TOPBP1: variants seen among roughly 807,000 people sequenced by gnomAD.
TOPBP1 encodes the protein DNA topoisomerase II binding protein 1, also known as DNA topoisomerase 2-binding protein 1.
In TOPBP1, 28 loss-of-function variants were observed where a neutral mutation model predicts 167.7. The ratio of observed to expected loss-of-function variants is 0.17; its 90% CI spans 0.12 to 0.23. The LOEUF (loss-of-function observed/expected upper bound fraction) is 0.23. Among genes scored for constraint, TOPBP1 ranks in the 10% least tolerant of loss-of-function variants. The pLI, the probability that TOPBP1 is intolerant of heterozygous loss-of-function variation, is 1.00. For synonymous variants in TOPBP1, 598 were observed against 611.4 expected, an observed-to-expected ratio of 0.98 and a Z score of 0.32; for missense variants, 1,554 against 1,809.6, an observed-to-expected ratio of 0.86 and a Z score of 2.56.
At chr3:133,646,150 A>C (rs1157627664) in intron 10 of TOPBP1, among the ~76,000 whole-genome samples, 1 of 152,142 alleles carries the variant, frequency 6.6e-6, no homozygotes. Flanking sequence ...CATCTCAAAA[A>C]AAAAACAAAA....
intron 8 of TOPBP1, among the ~76,000 whole-genome samples, chr3:133,651,170 CCTTTT>C (rs1282916739): frequency 7.4e-6 from 1 of 135,590 alleles, no homozygotes; most frequent in African/African-American, 2.7e-5. Context: ...GCCGAATTTC[CCTTTT>C]TTTTTTTTTT....
chr3:133,618,280 A>C lies in TOPBP1; in HGVS notation c.3525T>G (p.Val1175=). ...SCPTQYSELQ[V]DIQNLEDSPF... is the part of the protein sequence containing the mutation. ...GAGAATCCTCCAAGTTTTGAATGTC[A>C]ACCTGAAGCTCAGAGTATTGTGTGG... is the stretch of plus-strand genomic sequence containing the variant. The change falls in exon 21 of 28, where the codon GTT becomes GTG. Residue 1175 remains valine (V), a synonymous_variant. Coordinates refer to ENST00000260810, the MANE Select transcript of TOPBP1 (RefSeq NM_007027.4). 6.2e-7 allele frequency: 1 copy of C among 1,614,008 alleles called. No individual in the cohort carries two copies. Among genetic ancestry groups the C allele is most frequent in the Non-Finnish European group, 8.5e-7 (1 of 1,179,862 alleles).
chr3:133,654,591 A>T (rs1358985496), intron 6 of TOPBP1, among the ~76,000 whole-genome samples: 4 of 152,224 alleles, frequency 2.6e-5, no homozygotes, highest in African/African-American at 9.6e-5. Context: ...AGCTTAGTAA[A>T]ACACAGTATA....
chr3:133,636,332 T>C (rs1935673236), intron 14 of TOPBP1, among the ~76,000 whole-genome samples: 1 of 152,140 alleles, frequency 6.6e-6, no homozygotes, highest in African/African-American at 2.4e-5. Context: ...TTGTGATTAT[T>C]CCATGGGCCC....
intron 19 of TOPBP1, among the ~76,000 whole-genome samples, chr3:133,620,865 G>A (rs751111293): frequency 3.9e-5 from 6 of 152,158 alleles, no homozygotes; most frequent in African/African-American, 9.6e-5. Context: ...ATGAGCCACC[G>A]TGCCTGGCCC....
chr3:133,614,087 G>A (rs1934778908), intron 23 of TOPBP1, among the ~76,000 whole-genome samples: 1 of 151,952 alleles, frequency 6.6e-6, no homozygotes, highest in Non-Finnish European at 1.5e-5. Context: ...CACCACACCC[G>A]GTCATATCAA....
rs369455342 is a variant in TOPBP1 at position 133,635,805 on chromosome 3, T to C, written c.2520+2071A>G. Among the ~76,000 whole-genome samples, 17 of 152,150 alleles carry C rather than the reference T, an allele frequency of 1.1e-4. No homozygotes were observed. The East Asian group carries it at 2.7e-3, about 24-fold the overall frequency. On this transcript the variant is annotated intron_variant, in intron 14 of 27. Transcript: ENST00000260810. ...TATACCACATAGTAACACACACACA[T>C]AGACTCCAAGAGACACGCACAAGAA...
In TOPBP1 at chr3:133,649,909, T is replaced by A; in HGVS notation, c.1124A>T (p.Asp375Val). The A allele has an allele frequency of 1.2e-6, 2 of 1,604,964 alleles. No individual in the cohort carries two copies. The highest frequency in any genetic ancestry group is 8.5e-7 in the Non-Finnish European group (1 of 1,177,202). ...YLCGFSGRKL[D>V]KLRRLINSGG... ...ACTGTTAATAAGTCTTCTCAGTTTATCTAGCTTTCTGCCACTAAAACCGCA... is the reference window on the plus strand; with the variant it reads ...ACTGTTAATAAGTCTTCTCAGTTTAACTAGCTTTCTGCCACTAAAACCGCA... The change falls in exon 9 of 28, where the codon GAT becomes GTT. Residue 375 changes from aspartate to valine, a missense_variant. This residue lies in a region of TOPBP1 where 1,197 missense variants were observed against 1,351.5 expected (regional missense o/e 0.89). Coordinates refer to ENST00000260810, the MANE Select transcript of TOPBP1 (RefSeq NM_007027.4).
At chr3:133,652,746 T>A (rs959733389) in intron 7 of TOPBP1, 117 bp from the exon 8 acceptor site, 1 of 808,354 alleles carries the variant, frequency 1.2e-6, no homozygotes, top group African/African-American at 1.7e-5. Context: ...AAAGTAAGAT[T>A]CAGGGGTGTT....
intron 5 of TOPBP1, among the ~76,000 whole-genome samples, chr3:133,655,743 C>G: frequency 6.6e-6 from 1 of 152,136 alleles, no homozygotes; most frequent in East Asian, 1.9e-4. Context: ...AACTCTAGCC[C>G]TTGCTGGTCA....
chr3:133,639,378 G>T (rs567860309), intron 13 of TOPBP1, among the ~76,000 whole-genome samples: 1 of 152,024 alleles, frequency 6.6e-6, no homozygotes, highest in African/African-American at 2.4e-5. Context: ...ACCAAACACC[G>T]CATGTTCTCA....
intron 20 of TOPBP1, 56 bp downstream of exon 20, chr3:133,620,099 G>C: frequency 6.7e-7 from 1 of 1,502,432 alleles, no homozygotes; most frequent in Non-Finnish European, 8.9e-7. Flanking sequence ...CAGCAGGTAC[G>C]TAAATCCTTT....
chr3:133,628,492 A>G (rs1935345711), intron 15 of TOPBP1, 21 bp from the exon 16 acceptor site: 14 of 1,606,926 alleles, frequency 8.7e-6, no homozygotes, highest in Non-Finnish European at 1.0e-5. Context: ...AAAATAAAAG[A>G]AACAGATCAG....
At chr3:133,639,184 C>G (rs1935801780) in intron 13 of TOPBP1, among the ~76,000 whole-genome samples, 1 of 152,142 alleles carries the variant, frequency 6.6e-6, no homozygotes, top group South Asian at 2.1e-4. Context: ...CAGCACTATT[C>G]ACAATAGCAA....
intron 20 of TOPBP1, 36 bp from the exon 21 acceptor site, chr3:133,618,469 A>G (rs1340151793): frequency 4.4e-6 from 7 of 1,592,922 alleles, no homozygotes; most frequent in Non-Finnish European, 6.0e-6. Context: ...ATAAACAGCA[A>G]TAACAAATCC....
chr3:133,654,018 G>C (rs1936394784), intron 6 of TOPBP1, among the ~76,000 whole-genome samples: 1 of 152,168 alleles, frequency 6.6e-6, no homozygotes, highest in Non-Finnish European at 1.5e-5. Flanking sequence ...TTATTACAAA[G>C]TAGTATTTTA....
Position 133,644,320 on chromosome 3 carries a change from A to T in TOPBP1, c.1548T>A (p.Thr516=), listed in dbSNP as rs757984098. 1.2e-6 allele frequency: 2 copies of T among 1,602,290 alleles called. No individual in the cohort carries two copies. Among genetic ancestry groups the T allele is most frequent in the East Asian group, 2.2e-5 (1 of 44,802 alleles). ...TSEARPFNDS[T]HAEPLNDSTH... ...TAGAATCATTCAAGGGCTCAGCATG[A>T]GTAGAATCATTAAAGGGCCTGGCTT... The change falls in exon 11 of 28, where the codon ACT becomes ACA. Residue 516 remains threonine, a synonymous_variant. Transcript: ENST00000260810.
rs1396790970 is a variant in TOPBP1, at chr3:133,638,103, G to A, written c.2293C>T (p.His765Tyr). 1 of 1,613,846 alleles carries A rather than the reference G, an allele frequency of 6.2e-7. No individual in the cohort carries two copies. The highest frequency in any genetic ancestry group is 1.3e-5 in the African/African-American group (1 of 74,920). ...GINLNSDTAE[H>Y]PGTRLQTHRK... ...TGAGTTTGCAGGCGTGTGCCAGGAT[G>A]CTCTGCAGTATCTGAATTTAGATTG... Residue 765 changes from histidine to tyrosine, a missense_variant, in exon 14 of 28, where the codon CAT (histidine) becomes TAT (tyrosine). Around this residue, in one of 3 missense-constraint regions of TOPBP1, gnomAD observed 1,197 missense variants for 1,351.5 expected, o/e 0.89. Transcript: ENST00000260810.
chr3:133,619,828 A>G (rs1356172471), intron 20 of TOPBP1, among the ~76,000 whole-genome samples: 2 of 152,170 alleles, frequency 1.3e-5, no homozygotes, highest in African/African-American at 4.8e-5. Flanking sequence ...ACAAATCTCC[A>G]TGTCTGCTCC....
Sources: allele counts gnomAD v4.1 joint callset (sites outside exome capture counted in the v4.1 genomes callset), GRCh38; gene constraint gnomAD v4.1.1; regional missense constraint gnomAD v4.1.1; transcripts MANE v1.5; gene names NCBI Gene and HGNC (gene_info 2026-07-23, HGNC 2026-07-21).